Variants in MAP2 observed in about 807,000 individuals in gnomAD.
MAP2 encodes microtubule associated protein 2, also known as microtubule-associated protein 2.
A neutral mutation model predicts 137.6 loss-of-function variants in MAP2; 14 were observed. The ratio of observed to expected loss-of-function variants is 0.10; its 90% CI spans 0.07 to 0.16. The LOEUF is 0.16. MAP2 is among the 10% of genes least tolerant of loss of function. The probability of loss-of-function intolerance (pLI) is 1.00; values close to 1 mark genes in which losing one functional copy is unlikely to be tolerated. For missense variants in MAP2, 2,088 were observed against 2,191.5 expected, an observed-to-expected ratio of 0.95 and a Z score of 0.94; for synonymous variants, 786 against 782.3, an observed-to-expected ratio of 1.00 and a Z score of -0.08.
chr2:209,606,383 T>C (rs1265291928), intron 3 of MAP2, among the ~76,000 whole-genome samples: 1 of 152,100 alleles, frequency 6.6e-6, no homozygotes, highest in East Asian at 1.9e-4. Flanking sequence ...ATAGAGAAAG[T>C]AGGTCTTGTG....
intron 5 of MAP2, among the ~76,000 whole-genome samples, chr2:209,664,647 A>G (rs2045391984): frequency 6.6e-6 from 1 of 152,174 alleles, no homozygotes; most frequent in East Asian, 1.9e-4. Flanking sequence ...TACATTGTGA[A>G]CAATAAATTT....
At chr2:209,702,202 G>A (rs898588337) in intron 11 of MAP2, among the ~76,000 whole-genome samples, 4 of 151,994 alleles carry the variant, frequency 2.6e-5, no homozygotes, top group Non-Finnish European at 5.9e-5. Context: ...TGGTCTTTGA[G>A]TAACTCGATA....
intron 2 of MAP2, among the ~76,000 whole-genome samples, chr2:209,530,241 C>G (rs2064900692): frequency 6.6e-6 from 1 of 152,224 alleles, no homozygotes; most frequent in African/African-American, 2.4e-5. Context: ...ACACACATTT[C>G]TGACTAGTCA....
intron 1 of MAP2, among the ~76,000 whole-genome samples, chr2:209,468,472 C>G (rs984729934): frequency 3.3e-5 from 5 of 151,708 alleles, no homozygotes; most frequent in Non-Finnish European, 7.4e-5. Flanking sequence ...AGGCGCCCAC[C>G]ACCACGCCCG....
chr2:209,437,151 G>A (rs1031148520), intron 1 of MAP2, among the ~76,000 whole-genome samples: 1 of 151,560 alleles, frequency 6.6e-6, no homozygotes, highest in African/African-American at 2.4e-5. Context: ...TGCTGTTGGA[G>A]GACATTTGTT....
At chr2:209,493,451 C>G (rs1181285013) in intron 1 of MAP2, among the ~76,000 whole-genome samples, 3 of 152,124 alleles carry the variant, frequency 2.0e-5, no homozygotes, top group African/African-American at 4.8e-5. Context: ...TCTAATGAAA[C>G]TAAAGAGCTT....
At chr2:209,516,711 C>G (rs907471845) in intron 2 of MAP2, among the ~76,000 whole-genome samples, 3 of 151,974 alleles carry the variant, frequency 2.0e-5, no homozygotes, top group African/African-American at 7.3e-5. Flanking sequence ...TTCCATTATC[C>G]CTTAGAGACT....
chr2:209,643,540 G>A lies in MAP2; in HGVS notation c.-29-9602G>A, dbSNP rs561288786. ...ACATCCACCTCCAAAATGATCTAAT[G>A]GTAAAGAAAATTGTAACTCAATTTG... On this transcript the variant is annotated intron_variant, in intron 4 of 15. Coordinates refer to ENST00000682079, the MANE Select transcript of MAP2 (RefSeq NM_001375505.1). 1.1e-4 allele frequency among the ~76,000 whole-genome samples: 16 copies of A among 152,134 alleles called. No homozygotes were observed. In the East Asian group the frequency reaches 3.1e-3, roughly 29 times the overall value.
intron 2 of MAP2, among the ~76,000 whole-genome samples, chr2:209,520,382 G>A (rs1237423604): frequency 6.6e-6 from 1 of 151,862 alleles, no homozygotes; most frequent in Non-Finnish European, 1.5e-5. Flanking sequence ...AATTTAGTAG[G>A]AACAGCATAA....
chr2:209,538,950 A>T lies in MAP2; in HGVS notation c.-172+31309A>T, dbSNP rs564508431. Among the ~76,000 whole-genome samples the T allele has an allele frequency of 9.2e-5, 14 of 152,308 alleles. No individual in the cohort carries two copies. The East Asian group carries it at 2.7e-3, about 29-fold the overall frequency. On this transcript the variant is annotated intron_variant, in intron 2 of 15. Transcript: ENST00000682079. ...TCTTGTCTTTTAGAATCTAGTACAG[A>T]TTACTAGTTTTATTAACTTTTAATT...
At chr2:209,477,736 C>G (rs1707653346) in intron 1 of MAP2, among the ~76,000 whole-genome samples, 3 of 151,972 alleles carry the variant, frequency 2.0e-5, no homozygotes, top group African/African-American at 7.3e-5. Context: ...GTGGCTCACG[C>G]CTATAATCCT....
intron 2 of MAP2, among the ~76,000 whole-genome samples, chr2:209,574,061 G>T (rs985630911): frequency 6.6e-6 from 1 of 151,776 alleles, no homozygotes; most frequent in Non-Finnish European, 1.5e-5. Flanking sequence ...ATACATTTAT[G>T]GGGTACCATG....
chr2:209,508,554 A>T (rs955162467), intron 2 of MAP2, among the ~76,000 whole-genome samples: 1 of 133,964 alleles, frequency 7.5e-6, no homozygotes, highest in Non-Finnish European at 1.6e-5. Flanking sequence ...ACATATAAGC[A>T]CACAGACACA....
rs184842247 is a variant in MAP2 at position 209,526,711 on chromosome 2, T to C, written c.-172+19070T>C. ...TTGCAGAAGTATTAGCTGACCTAAGTCCTATTTTTTGCCACCCTGAAAGTG... is the reference window on the plus strand; with the variant it reads ...TTGCAGAAGTATTAGCTGACCTAAGCCCTATTTTTTGCCACCCTGAAAGTG... On this transcript the variant is annotated intron_variant, in intron 2 of 15. Coordinates refer to ENST00000682079, the MANE Select transcript of MAP2 (RefSeq NM_001375505.1). Among the ~76,000 whole-genome samples the C allele has an allele frequency of 2.7e-5, 4 of 148,990 alleles. No homozygotes were observed. The East Asian group carries it at 7.8e-4, about 29-fold the overall frequency.
chr2:209,635,748 T>G (rs2093499204), intron 4 of MAP2, among the ~76,000 whole-genome samples: 1 of 152,186 alleles, frequency 6.6e-6, no homozygotes, highest in South Asian at 2.1e-4. Context: ...GCAAAAATAC[T>G]GCATTGCAGT....
rs926808615 is a variant in MAP2 at position 209,541,783 on chromosome 2, A to G, written c.-172+34142A>G. 2.6e-5 allele frequency among the ~76,000 whole-genome samples: 4 copies of G among 152,214 alleles called. No homozygotes were observed. The South Asian group carries it at 6.2e-4, about 24-fold the overall frequency. On this transcript the variant is annotated intron_variant, in intron 2 of 15. Coordinates refer to ENST00000682079, the MANE Select transcript of MAP2 (RefSeq NM_001375505.1). ...CAATCCAGTCACATCTTCAGGCTTC[A>G]CTTTTAATGCTAGTTCTTTTTCTAT...
chr2:209,477,602 A>G (rs1377940846), intron 1 of MAP2, among the ~76,000 whole-genome samples: 1 of 152,054 alleles, frequency 6.6e-6, no homozygotes, highest in African/African-American at 2.4e-5. Context: ...CTTAATCTCT[A>G]CCTATGCTTT....
intron 12 of MAP2, among the ~76,000 whole-genome samples, chr2:209,708,396 C>T (rs917081193): frequency 1.6e-4 from 24 of 152,114 alleles, no homozygotes; most frequent in Non-Finnish European, 1.5e-5. Flanking sequence ...ACCAAAAAGA[C>T]ACAGGGCACT....
chr2:209,620,966 A>G (rs567815223), intron 3 of MAP2, among the ~76,000 whole-genome samples: 131 of 152,180 alleles, frequency 8.6e-4, no homozygotes, highest in African/African-American at 2.4e-3. Context: ...AGGCCGAAGT[A>G]GATGGATCAC....
Sources: gnomAD v4.1 joint callset for allele counts (sites outside exome capture counted in the v4.1 genomes callset) on GRCh38, gnomAD v4.1.1 for gene constraint, MANE v1.5 for transcripts, NCBI Gene and HGNC (gene_info 2026-07-23, HGNC 2026-07-21) for gene names.